MUC4: variants seen among roughly 807,000 people sequenced by gnomAD.
MUC4 encodes the protein mucin 4, cell surface associated, also known as mucin-4.
In MUC4, 202 loss-of-function variants were observed where a neutral mutation model predicts 257.9. The ratio of observed to expected loss-of-function variants is 0.78; its 90% CI spans 0.70 to 0.88. The LOEUF (loss-of-function observed/expected upper bound fraction) is 0.88. MUC4 is among the 40% of genes least tolerant of loss of function. The pLI is 0.00. For missense variants in MUC4, 5,976 were observed against 6,513.7 expected (o/e 0.92, Z 2.84); for synonymous variants, 2,351 against 2,757.1 (o/e 0.85, Z 4.62).
At chr3:195,801,427 G>A (rs771614781) in intron 1 of MUC4, among the ~76,000 whole-genome samples, 22 of 150,982 alleles carry the variant, frequency 1.5e-4, no homozygotes, top group African/African-American at 4.2e-4. Flanking sequence ...AGCCTTCTCC[G>A]CACCCTCCCC....
At chr3:195,796,639 G>A (rs192369069) in intron 1 of MUC4, among the ~76,000 whole-genome samples, 13 of 151,896 alleles carry the variant, frequency 8.6e-5, no homozygotes, top group African/African-American at 2.4e-4. Context: ...TGCAGTGAGC[G>A]GAGATCATGC....
At chr3:195,778,081 T>C (rs554925318) in intron 3 of MUC4, among the ~76,000 whole-genome samples, 1 of 152,334 alleles carries the variant, frequency 6.6e-6, no homozygotes, top group Admixed American at 6.5e-5. Flanking sequence ...GGACCGTCCA[T>C]CTATCCCTTG....
Position 195,779,631 on chromosome 3 carries a change from G to C in MUC4, c.11949C>G (p.Thr3983=), listed in dbSNP as rs1553868710. ...SRSSASTGHA[T]PLPVTDTSSV... is the part of the protein sequence containing the mutation. ...AGGAAGTGTCGGTGACAGGAAGGGG[G>C]GTGGCGTGACCTGTGGATGCTGAGG... Residue 3983 remains threonine, a synonymous_variant, in exon 2 of 25, where the codon ACC becomes ACG. Coordinates refer to ENST00000463781, the MANE Select transcript of MUC4 (RefSeq NM_018406.7). The C allele has an allele frequency of 9.4e-4, 619 of 661,074 alleles. 9 individuals are homozygous for C. Among genetic ancestry groups the C allele is most frequent in the East Asian group, 3.2e-3 (42 of 12,956 alleles). The allele number at this position is 661,074 out of a possible 1,614,324, so 41.0% of individuals were successfully genotyped here. A position where few individuals can be genotyped will look rare whatever the true frequency, so the allele number is the denominator to read the frequency against.
chr3:195,788,365 G>C lies in MUC4; in HGVS notation c.3215C>G (p.Pro1072Arg). The C allele has an allele frequency of 6.5e-7, 1 of 1,541,428 alleles. No individual in the cohort carries two copies. ...TSSASTGHVT[P>R]LPVTSLSSAS... Reference sequence around the variant, plus strand: ...TGAGGAAAGGCTGGTGACAGGAAGAGGGGTGACGTGACCTGTGGATGCTGA... The same window carrying C: ...TGAGGAAAGGCTGGTGACAGGAAGACGGGTGACGTGACCTGTGGATGCTGA... Residue 1072 changes from proline to arginine, a missense_variant, in exon 2 of 25, where the codon CCT becomes CGT. Pro to Arg is a moderately radical substitution (Grantham distance 103). Transcript: ENST00000463781.
At chr3:195,754,726 G>T (rs895252993) in intron 18 of MUC4, among the ~76,000 whole-genome samples, 1 of 150,898 alleles carries the variant, frequency 6.6e-6, no homozygotes, top group Admixed American at 6.6e-5. Flanking sequence ...ATGAATGAAT[G>T]AATGTATCCA....
Position 195,784,033 on chromosome 3 carries a change from G to T in MUC4, c.7547C>A (p.Thr2516Asn), listed in dbSNP as rs1269792707. The T allele has an allele frequency of 2.6e-5, 40 of 1,522,702 alleles. 7 individuals carry two copies. In the African/African-American group the frequency reaches 5.0e-4, roughly 19 times the overall value. The allele number at this position is 1,522,702 out of a possible 1,614,324, so 94.3% of individuals were successfully genotyped here. A position where few individuals can be genotyped will look rare whatever the true frequency, so the allele number is the denominator to read the frequency against. Residue 2516 changes from threonine (T) to asparagine (N), a missense_variant, in exon 2 of 25, where the codon ACC (threonine) becomes AAC (asparagine). Transcript: ENST00000463781. The part of the protein sequence containing the change: ...STGHTTPLPV[T>N]DTPSASTGDT... The stretch of plus-strand genomic sequence containing the variant: ...ACCTGTGGATGCTGAGGGAGTGTCG[G>T]TGACAGGTAGAGGGGTGGTGTGACC...
intron 20 of MUC4, 144 bp from the exon 21 acceptor site, chr3:195,752,590 A>C (rs1716675977): frequency 6.1e-6 from 4 of 655,942 alleles, no homozygotes; most frequent in Admixed American, 2.3e-5. Context: ...CCCTCACCCT[A>C]CATTCCACAG....
At position 195,761,135 on chromosome 3, in the gene MUC4, C is replaced by A; in HGVS notation, c.14615-18G>T. On this transcript the variant is annotated intron_variant, in intron 15 of 24. Coordinates refer to ENST00000463781, the MANE Select transcript of MUC4 (RefSeq NM_018406.7). ...GATCTGCCCTGTAACACACAGAGCG[C>A]GGTGGTACCAGGCATGGCACTCAGC... 6.3e-7 allele frequency: 1 copy of A among 1,598,324 alleles called. No homozygotes were observed. The highest frequency in any genetic ancestry group is 2.2e-5 in the East Asian group (1 of 44,782).
Position 195,790,043 on chromosome 3 carries a change from C to T in MUC4, c.1537G>A (p.Ala513Thr). The T allele has an allele frequency of 6.2e-7, 1 of 1,614,028 alleles. No homozygotes were observed. Among genetic ancestry groups the T allele is most frequent in the African/African-American group, 1.3e-5 (1 of 75,048 alleles). Residue 513 changes from alanine (A) to threonine (T), a missense_variant, in exon 2 of 25, where the codon GCC becomes ACC. This residue lies in a region of MUC4 where 1,583 missense variants were observed against 1,257.4 expected (regional missense o/e 1.26). Coordinates refer to ENST00000463781, the MANE Select transcript of MUC4 (RefSeq NM_018406.7). ...GGATTTCCTGTGACAAGCCTAGTGG[C>T]AGCACCTGTTGATGTTGAGGGCAGT... The part of the protein sequence containing the change: ...TELPSTSTGA[A>T]TRLVTGNPST...
intron 18 of MUC4, among the ~76,000 whole-genome samples, chr3:195,756,628 T>C (rs1282714129): frequency 1.4e-5 from 2 of 146,976 alleles, no homozygotes; most frequent in African/African-American, 5.1e-5. Flanking sequence ...TTTCCTTTCT[T>C]TCCCTCCTTC....
rs970945693 is a variant in MUC4, at chr3:195,759,368, G to C, written c.14849-107C>G. On this transcript the variant is annotated intron_variant, in intron 16 of 24. Transcript: ENST00000463781. Reference sequence around the variant, plus strand: ...ATGTGTGAGGCATTCCCAGGACTGTGACCCACCTCTGGAAGAAGGAATTAT... The same window carrying C: ...ATGTGTGAGGCATTCCCAGGACTGTCACCCACCTCTGGAAGAAGGAATTAT... 2.9e-6 allele frequency: 4 copies of C among 1,400,694 alleles called. No individual in the cohort carries two copies. In the African/African-American group the frequency reaches 4.3e-5, roughly 15 times the overall value. 86.8% of individuals were successfully genotyped at this position (1,400,694 alleles called of 1,614,324 possible).
chr3:195,763,314 C>T (rs1719648319), intron 12 of MUC4, 119 bp downstream of exon 12: 2 of 1,035,262 alleles, frequency 1.9e-6, no homozygotes, highest in Non-Finnish European at 2.6e-6. Context: ...TGGGCTGTGT[C>T]CTCCCTCCCT....
Position 195,769,201 on chromosome 3 carries a change from G to T in MUC4, c.13399-49C>A, listed in dbSNP as rs758104854. The T allele has an allele frequency of 2.5e-6, 4 of 1,606,242 alleles. No homozygotes were observed. In the South Asian group the frequency reaches 3.3e-5, roughly 13 times the overall value. On this transcript the variant is annotated intron_variant, in intron 6 of 24. Coordinates refer to ENST00000463781, the MANE Select transcript of MUC4 (RefSeq NM_018406.7). ...CAGGGATGCCCGTGAGAGATCCGGG[G>T]TCTCCTCTCTTATGTCCCCCCGCCC...
chr3:195,786,612 T>A lies in MUC4; in HGVS notation c.4968A>T (p.Ser1656=). Residue 1656 remains serine, a synonymous_variant, in exon 2 of 25, where the codon TCA becomes TCT. Transcript: ENST00000463781. ...ATPLHVTSPS[S]ASTGHATPLP... ...GAGGGGTGGCGTGACCTGTGGATGC[T>A]GAGGAAGGGCTGGTGACATGAAGAG... The A allele has an allele frequency of 6.5e-7, 1 of 1,530,782 alleles. No homozygotes were observed. The highest frequency in any genetic ancestry group is 8.8e-7 in the Non-Finnish European group (1 of 1,134,666). 94.8% of individuals were successfully genotyped at this position (1,530,782 alleles called of 1,614,324 possible).
rs1409130617 is a variant in MUC4 at position 195,782,850 on chromosome 3, G to C, written c.8730C>G (p.Thr2910=). The C allele has an allele frequency of 2.6e-6, 4 of 1,523,926 alleles. 1 individual carries two copies. The highest frequency in any genetic ancestry group is 2.5e-5 in the East Asian group (1 of 40,370). 94.4% of individuals were successfully genotyped at this position (1,523,926 alleles called of 1,614,324 possible). Residue 2910 remains threonine (T), a synonymous_variant, in exon 2 of 25, where the codon ACC becomes ACG. Coordinates refer to ENST00000463781, the MANE Select transcript of MUC4 (RefSeq NM_018406.7). ...TSLSSVSTGD[T]TPLPVTDTSS... ...AAGTGTCGGTGACAGGAAGAGGCGT[G>C]GTGTCACCTGTGGATACTGAGGAAA...
chr3:195,778,632 G>A (rs888571851), intron 2 of MUC4, among the ~76,000 whole-genome samples, 158 bp downstream of exon 2: 1 of 152,208 alleles, frequency 6.6e-6, no homozygotes, highest in Non-Finnish European at 1.5e-5. Context: ...AAAGGAGGGT[G>A]AGCCTGTCAC....
At chr3:195,767,186 A>G (rs1720697812) in intron 7 of MUC4, among the ~76,000 whole-genome samples, 1 of 152,042 alleles carries the variant, frequency 6.6e-6, no homozygotes, top group Non-Finnish European at 1.5e-5. Flanking sequence ...CCCACTTACT[A>G]GCTTGGTGAC....
At chr3:195,778,055 T>C (rs1035164426) in intron 3 of MUC4, among the ~76,000 whole-genome samples, 1 of 152,204 alleles carries the variant, frequency 6.6e-6, no homozygotes, top group Non-Finnish European at 1.5e-5. Flanking sequence ...GGATGAGTCC[T>C]CTAACCGCCG....
At chr3:195,772,352 ATCGC>A (rs1723104057) in intron 4 of MUC4, among the ~76,000 whole-genome samples, 1 of 129,500 alleles carries the variant, frequency 7.7e-6, no homozygotes, top group Admixed American at 8.2e-5. Context: ...CCCTCTCTCC[ATCGC>A]TCAGGGGTGT....
Sources: gnomAD v4.1 joint callset for allele counts (sites outside exome capture counted in the v4.1 genomes callset) on GRCh38, gnomAD v4.1.1 for gene constraint, gnomAD v4.1.1 regional missense constraint, MANE v1.5 for transcripts, NCBI Gene and HGNC (gene_info 2026-07-23, HGNC 2026-07-21) for gene names.